BCOR: variants seen among roughly 807,000 people sequenced by gnomAD.
BCOR encodes the protein BCL-6 corepressor.
A neutral mutation model predicts 86.7 loss-of-function variants in BCOR; 10 were observed. The observed-to-expected ratio is 0.12, with a 90% CI of 0.07 to 0.20. The LOEUF is 0.20. Among genes scored for constraint, BCOR ranks in the 10% least tolerant of loss-of-function variants. The probability of loss-of-function intolerance (pLI) is 1.00; values close to 1 mark genes in which losing one functional copy is unlikely to be tolerated. For missense variants in BCOR, 1,259 were observed against 1,452.1 expected (o/e 0.87, Z 2.16); for synonymous variants, 611 against 609.0 (o/e 1.00, Z -0.05).
intron 1 of BCOR, among the ~76,000 whole-genome samples, chrX:40,114,349 G>C: frequency 9.0e-6 from 1 of 111,272 alleles, no homozygotes; most frequent in African/African-American, 3.3e-5. Context: ...CCTGTGTACA[G>C]GTCTCTGTCG....
intron 1 of BCOR, among the ~76,000 whole-genome samples, chrX:40,141,600 C>T (rs1374682944): frequency 1.8e-5 from 2 of 111,529 alleles, no homozygotes; most frequent in Non-Finnish European, 3.8e-5. Flanking sequence ...CCCTTACCAG[C>T]TCCCCCAGAG....
chrX:40,124,229 T>C (rs1771272311), intron 1 of BCOR, among the ~76,000 whole-genome samples: 2 of 110,206 alleles, frequency 1.8e-5, no homozygotes, highest in South Asian at 7.7e-4. Flanking sequence ...AGGTCAAGAG[T>C]TCACAACCAG....
chrX:40,105,290 C>T (rs1177339269), intron 1 of BCOR, among the ~76,000 whole-genome samples: 2 of 111,186 alleles, frequency 1.8e-5, no homozygotes, highest in African/African-American at 6.5e-5. Flanking sequence ...GTTCCGAGAG[C>T]CGCGCGGCGG....
intron 1 of BCOR, among the ~76,000 whole-genome samples, chrX:40,115,638 G>A (rs2040187093): frequency 9.0e-6 from 1 of 110,595 alleles, no homozygotes; most frequent in African/African-American, 3.3e-5. Flanking sequence ...TTAGCTGGGT[G>A]TGGTGGTGCA....
chrX:40,095,273 C>G (rs1226670704), intron 1 of BCOR, among the ~76,000 whole-genome samples: 1 of 112,123 alleles, frequency 8.9e-6, no homozygotes, highest in African/African-American at 3.2e-5. Context: ...AGCGTATTCC[C>G]TAAGTGTCCA....
In BCOR at chrX:40,064,017, A is replaced by G. The variant is rs1475460722; in HGVS notation, c.3503-65T>C. The stretch of plus-strand genomic sequence containing the variant: ...CGGGGGGGAACAAACTGTCTTACGC[A>G]TCACTAATGGGGTGGGGGAGGGGGG... On this transcript the variant is annotated intron_variant, in intron 7 of 14. Transcript: ENST00000378444. 1.2e-5 allele frequency: 5 copies of G among 404,312 alleles called. No individual in the cohort carries two copies. In the East Asian group the frequency reaches 4.4e-4, roughly 35 times the overall value. The allele number at this position is 404,312 out of a possible 1,213,427, so 33.3% of individuals were successfully genotyped here. A position where few individuals can be genotyped will look rare whatever the true frequency, so the allele number is the denominator to read the frequency against.
chrX:40,071,666 T>C lies in BCOR; in HGVS notation c.3022A>G (p.Ile1008Val). ...LQMEGLQEDS[I>V]LCLPAAYCER... is the part of the protein sequence containing the mutation. ...CAGTAAGCAGCGGGTAGACATAAAA[T>C]ACTGTCCTCTTGTAATCCTTCCATC... The change falls in exon 5 of 15, where the codon ATT becomes GTT. Residue 1008 changes from isoleucine (I) to valine (V), a missense_variant. By Grantham distance (29) the Ile-to-Val change is conservative. This residue lies in a region of BCOR where 56 missense variants were observed against 106.6 expected (regional missense o/e 0.53). Coordinates refer to ENST00000378444, the MANE Select transcript of BCOR (RefSeq NM_001123385.2). 8.4e-7 allele frequency: 1 copy of C among 1,195,623 alleles called. No individual in the cohort carries two copies. The highest frequency in any genetic ancestry group is 1.1e-6 in the Non-Finnish European group (1 of 880,963).
intron 1 of BCOR, among the ~76,000 whole-genome samples, chrX:40,130,088 G>C (rs1027700275): frequency 4.5e-5 from 5 of 110,876 alleles, no homozygotes; most frequent in Non-Finnish European, 7.6e-5. Flanking sequence ...ACCACCCTCC[G>C]GGCCTTCTCC....
intron 13 of BCOR, 83 bp downstream of exon 13, chrX:40,054,173 C>A (rs887042099): frequency 9.2e-6 from 10 of 1,092,789 alleles, no homozygotes; most frequent in Middle Eastern, 2.4e-4. Flanking sequence ...TGCCCACCAT[C>A]CACTTTCCCT....
intron 12 of BCOR, among the ~76,000 whole-genome samples, chrX:40,054,614 TC>T (rs1162388127): frequency 9.1e-6 from 1 of 110,490 alleles, no homozygotes; most frequent in Non-Finnish European, 1.9e-5. Context: ...CAAGGGATTC[TC>T]CTGCCTCAGC....
chrX:40,096,709 G>C (rs2147728676), intron 1 of BCOR, among the ~76,000 whole-genome samples: 1 of 112,093 alleles, frequency 8.9e-6, no homozygotes, highest in South Asian at 3.7e-4. Flanking sequence ...GAGACGAGGC[G>C]GCGGTGGCGG....
intron 11 of BCOR, among the ~76,000 whole-genome samples, chrX:40,056,502 G>T (rs1934608471): frequency 1.8e-5 from 2 of 111,308 alleles, no homozygotes; most frequent in East Asian, 5.7e-4. Flanking sequence ...TGGAGCTGGG[G>T]GTTGGGGTTG....
At chrX:40,156,954 A>G (rs886476205) in intron 1 of BCOR, among the ~76,000 whole-genome samples, 3 of 113,735 alleles carry the variant, frequency 2.6e-5, no homozygotes, top group Non-Finnish European at 5.6e-5. Flanking sequence ...TGGACCGGGC[A>G]GGAGGTGGGT....
chrX:40,078,333 C>T (rs1935913530), intron 1 of BCOR, among the ~76,000 whole-genome samples: 1 of 112,379 alleles, frequency 8.9e-6, no homozygotes, highest in Non-Finnish European at 1.9e-5. Context: ...GTAAAGAAGA[C>T]TTGATTCAAC....
Position 40,074,431 on chromosome X carries a change from A to G in BCOR, c.915T>C (p.Pro305=), listed in dbSNP as rs1569158920. Reference sequence around the variant, plus strand: ...TGGGCTGCTTACTGTTCTGGATGTGAGGATAGGCGTGGGAATCAACAGGAT... The same window carrying G: ...TGGGCTGCTTACTGTTCTGGATGTGGGGATAGGCGTGGGAATCAACAGGAT... ...PGNPVDSHAY[P]HIQNSKQPRV... is the part of the protein sequence containing the mutation. The change falls in exon 4 of 15, where the codon CCT becomes CCC. Residue 305 remains proline (P), a synonymous_variant. Transcript: ENST00000378444. 16 of 1,208,583 alleles carry G rather than the reference A, an allele frequency of 1.3e-5. No homozygotes were observed. Among genetic ancestry groups the G allele is most frequent in the Non-Finnish European group, 1.7e-5 (15 of 893,796 alleles).
intron 1 of BCOR, among the ~76,000 whole-genome samples, chrX:40,107,996 A>G (rs1003836639): frequency 5.3e-5 from 6 of 113,024 alleles, no homozygotes; most frequent in Admixed American, 9.2e-5. Flanking sequence ...AAAGGAGAGA[A>G]AGTCCTTCTC....
rs1348524151 is a variant in BCOR at position 40,074,325 on chromosome X, G to T, written c.1021C>A (p.Pro341Thr). 8.3e-7 allele frequency: 1 copy of T among 1,210,714 alleles called. No homozygotes were observed. The highest frequency in any genetic ancestry group is 2.2e-5 in the Admixed American group (1 of 45,959). Residue 341 changes from proline to threonine, a missense_variant, in exon 4 of 15, where the codon CCC becomes ACC. Pro to Thr is a conservative substitution (Grantham distance 38). This residue lies in a region of BCOR where 534 missense variants were observed against 594.8 expected (regional missense o/e 0.90). Transcript: ENST00000378444. ...LLLPPSPRPSPRVHLPTQPAA... is the reference protein window; with the variant it reads ...LLLPPSPRPSTRVHLPTQPAA... The stretch of plus-strand genomic sequence containing the variant: ...GGCTGGGTGGGAAGGTGGACTCGGG[G>T]TGACGGCCGAGGCGAGGGGGGCAAC...
At chrX:40,161,360 C>T (rs1209675563) in intron 1 of BCOR, among the ~76,000 whole-genome samples, 2 of 108,772 alleles carry the variant, frequency 1.8e-5, no homozygotes, top group Non-Finnish European at 3.8e-5. Flanking sequence ...CCACCATGCC[C>T]GGCTAATTTT....
chrX:40,106,583 C>T (rs1467431810), intron 1 of BCOR, among the ~76,000 whole-genome samples: 2 of 110,571 alleles, frequency 1.8e-5, no homozygotes, highest in African/African-American at 6.7e-5. Flanking sequence ...CCTCCCGCCT[C>T]GCACTTCCTC....
Sources: gnomAD v4.1 joint callset for allele counts (sites outside exome capture counted in the v4.1 genomes callset) on GRCh38, gnomAD v4.1.1 for gene constraint, gnomAD v4.1.1 regional missense constraint, MANE v1.5 for transcripts, NCBI Gene and HGNC (gene_info 2026-07-23, HGNC 2026-07-21) for gene names.